The following RETREG1 variants were observed in gnomAD, a reference collection of about 807,000 sequenced individuals.
RETREG1 encodes the protein reticulophagy regulator 1.
RETREG1 carries 44 observed loss-of-function variants against 54.8 expected under a neutral mutation model. That is an observed-to-expected ratio of 0.80 (90% confidence interval 0.63 to 1.03). The LOEUF (loss-of-function observed/expected upper bound fraction) is 1.03, where lower values mean the gene tolerates loss of function less well. Among genes scored for constraint, RETREG1 ranks in the 50% least tolerant of loss-of-function variants. The pLI, the probability that RETREG1 is intolerant of heterozygous loss-of-function variation, is 0.00. For missense variants in RETREG1, 554 were observed against 605.1 expected, an observed-to-expected ratio of 0.92 and a Z score of 0.89; for synonymous variants, 217 against 238.5, an observed-to-expected ratio of 0.91 and a Z score of 0.83.
intron 1 of RETREG1, among the ~76,000 whole-genome samples, chr5:16,588,952 T>C (rs1335655798): frequency 6.6e-6 from 1 of 152,204 alleles, no homozygotes; most frequent in African/African-American, 2.4e-5. Flanking sequence ...TATCTGAAGG[T>C]CAGGATCAAG....
intron 3 of RETREG1, among the ~76,000 whole-genome samples, chr5:16,491,283 T>C (rs986665683): frequency 1.3e-5 from 2 of 152,184 alleles, no homozygotes; most frequent in Non-Finnish European, 2.9e-5. Context: ...ACCACGACCG[T>C]CGCATCTGGT....
intron 1 of RETREG1, among the ~76,000 whole-genome samples, chr5:16,588,148 G>A (rs895624492): frequency 6.6e-6 from 1 of 152,142 alleles, no homozygotes; most frequent in Admixed American, 6.6e-5. Flanking sequence ...CTACAGACAG[G>A]GTGGCTTAAA....
At chr5:16,502,203 C>G (rs776937430) in intron 3 of RETREG1, among the ~76,000 whole-genome samples, 14 of 152,040 alleles carry the variant, frequency 9.2e-5, no homozygotes, top group Non-Finnish European at 1.9e-4. Context: ...CGTGATTCAC[C>G]CACCTCGGCC....
intron 1 of RETREG1, among the ~76,000 whole-genome samples, chr5:16,573,885 T>C (rs968440634): frequency 1.3e-5 from 2 of 151,976 alleles, no homozygotes; most frequent in South Asian, 2.1e-4. Flanking sequence ...GCTGGAAATA[T>C]AGGTGTCTGC....
chr5:16,507,958 G>A (rs886179997), intron 3 of RETREG1, among the ~76,000 whole-genome samples: 1 of 152,120 alleles, frequency 6.6e-6, no homozygotes, highest in African/African-American at 2.4e-5. Flanking sequence ...CTTTCACTCT[G>A]GGCACAATTA....
At chr5:16,565,293 C>T (rs1194957104) in intron 3 of RETREG1, among the ~76,000 whole-genome samples, 2 of 152,114 alleles carry the variant, frequency 1.3e-5, no homozygotes, top group African/African-American at 2.4e-5. Context: ...TCTCCTGCAC[C>T]CTCACACCTC....
intron 1 of RETREG1, among the ~76,000 whole-genome samples, chr5:16,612,488 C>T (rs1477928443): frequency 6.6e-6 from 1 of 152,206 alleles, no homozygotes; most frequent in African/African-American, 2.4e-5. Flanking sequence ...TACATTTAAA[C>T]ATCTGAACTG....
At position 16,600,139 on chromosome 5, in the gene RETREG1, T is replaced by G. The variant is rs911010092; in HGVS notation, c.320+16513A>C. 7.2e-5 allele frequency among the ~76,000 whole-genome samples: 11 copies of G among 152,134 alleles called. No homozygotes were observed. The East Asian group carries it at 2.1e-3, about 29-fold the overall frequency. On this transcript the variant is annotated intron_variant, in intron 1 of 8. Transcript: ENST00000306320. Reference sequence around the variant, plus strand: ...CCTCAGCCTCCTGAGCAGCTGGGATTACAGGTGCAGACCACCAAGCCCGGC... The same window carrying G: ...CCTCAGCCTCCTGAGCAGCTGGGATGACAGGTGCAGACCACCAAGCCCGGC...
intron 3 of RETREG1, among the ~76,000 whole-genome samples, chr5:16,540,120 A>G (rs1741198666): frequency 6.6e-6 from 1 of 152,154 alleles, no homozygotes; most frequent in African/African-American, 2.4e-5. Context: ...GTACTTTTGG[A>G]ACCCTTTTTG....
rs1268577967 is a variant in RETREG1, at chr5:16,473,820, CT to C, written c.*920del. On this transcript the variant is annotated 3_prime_UTR_variant, in exon 9 of 9. Coordinates refer to ENST00000306320, the MANE Select transcript of RETREG1 (RefSeq NM_001034850.3). Reference sequence around the variant, plus strand: ...GGCTAAGAAAACAGAGTTATTATATCTTTATTGCTGATGATCACATCACTCA... The same window carrying C: ...GGCTAAGAAAACAGAGTTATTATATCTTATTGCTGATGATCACATCACTCA... The C allele has an allele frequency of 2.0e-5, 3 of 152,136 alleles. No homozygotes were observed. Among genetic ancestry groups the C allele is most frequent in the Non-Finnish European group, 4.4e-5 (3 of 68,008 alleles). The allele number at this position is 152,136 out of a possible 1,614,324, so 9.4% of individuals were successfully genotyped here.
At chr5:16,575,855 T>G (rs1467402215) in intron 1 of RETREG1, among the ~76,000 whole-genome samples, 3 of 152,254 alleles carry the variant, frequency 2.0e-5, no homozygotes, top group Non-Finnish European at 4.4e-5. Context: ...AATCTGTATT[T>G]AGAAAAATCT....
At chr5:16,566,800 G>C (rs183028873) in intron 2 of RETREG1, among the ~76,000 whole-genome samples, 125 of 152,338 alleles carry the variant, frequency 8.2e-4, no homozygotes, top group African/African-American at 2.7e-3. Flanking sequence ...CTTTTGAACA[G>C]TTTTGTGCTT....
chr5:16,565,828 A>G, intron 2 of RETREG1, 35 bp from the exon 3 acceptor site: 2 of 1,608,868 alleles, frequency 1.2e-6, no homozygotes, highest in Non-Finnish European at 1.7e-6. Flanking sequence ...GAAACTTAAC[A>G]GAGGTATTTT....
At chr5:16,488,874 G>A (rs546803692) in intron 3 of RETREG1, among the ~76,000 whole-genome samples, 8 of 152,082 alleles carry the variant, frequency 5.3e-5, no homozygotes, top group Admixed American at 3.9e-4. Context: ...CATGAGATCA[G>A]GAGATCGAGA....
At chr5:16,489,082 C>CAAAAAAAAAAAA (rs567475517) in intron 3 of RETREG1, among the ~76,000 whole-genome samples, 2 of 62,934 alleles carry the variant, frequency 3.2e-5, no homozygotes, top group Non-Finnish European at 5.7e-5. Context: ...GATTCTGTCT[C>CAAAAAAAAAAAA]AAAAAAAAAA....
At chr5:16,587,374 A>G (rs1025259930) in intron 1 of RETREG1, among the ~76,000 whole-genome samples, 1 of 152,194 alleles carries the variant, frequency 6.6e-6, no homozygotes, top group Non-Finnish European at 1.5e-5. Flanking sequence ...GGTTGGAGCA[A>G]TTTGTCCAAA....
At chr5:16,550,538 A>T (rs1321510284) in intron 3 of RETREG1, among the ~76,000 whole-genome samples, 1 of 152,010 alleles carries the variant, frequency 6.6e-6, no homozygotes, top group South Asian at 2.1e-4. Flanking sequence ...GGCAGATCAG[A>T]CTCTACTGCA....
At chr5:16,601,218 C>T (rs1743043451) in intron 1 of RETREG1, among the ~76,000 whole-genome samples, 1 of 151,946 alleles carries the variant, frequency 6.6e-6, no homozygotes, top group Non-Finnish European at 1.5e-5. Flanking sequence ...ATTTTAAAAA[C>T]TTAGCCAGGC....
chr5:16,598,024 C>T (rs1054885438), intron 1 of RETREG1, among the ~76,000 whole-genome samples: 11 of 152,046 alleles, frequency 7.2e-5, no homozygotes, highest in South Asian at 2.1e-4. Flanking sequence ...GGCTCTTCAC[C>T]GTGCCCTACC....
Sources: allele counts gnomAD v4.1 joint callset (sites outside exome capture counted in the v4.1 genomes callset), GRCh38; gene constraint gnomAD v4.1.1; transcripts MANE v1.5; gene names NCBI Gene and HGNC (gene_info 2026-07-23, HGNC 2026-07-21).